The following SLC39A8 variants were observed in gnomAD, a reference collection of about 807,000 sequenced individuals.
SLC39A8 encodes solute carrier family 39 member 8.
In SLC39A8, 15 loss-of-function variants were observed where a neutral mutation model predicts 40.4. That is an observed-to-expected ratio of 0.37 (90% CI 0.25 to 0.57). SLC39A8 has a LOEUF of 0.57. Among genes scored for constraint, SLC39A8 ranks in the 20% least tolerant of loss-of-function variants. The pLI is 0.75. For synonymous variants in SLC39A8, 223 were observed against 221.6 expected, an observed-to-expected ratio of 1.01 and a Z score of -0.06; for missense variants, 472 against 558.8, an observed-to-expected ratio of 0.84 and a Z score of 1.57.
rs1731939583 is a variant in SLC39A8 at position 102,263,130 on chromosome 4, A to C, written c.1297T>G (p.Phe433Val). Residue 433 changes from phenylalanine (F) to valine (V), a missense_variant, in exon 9 of 9, where the codon TTC (phenylalanine) becomes GTC (valine). Physicochemically the swap from Phe to Val is conservative, Grantham distance 50. Coordinates refer to ENST00000356736, the MANE Select transcript of SLC39A8 (RefSeq NM_001135146.2). ...VTGRKTDFTF[F>V]MIQNAGMLTG... ...AACATTCCAGCATTCTGAATCATGA[A>C]GAAGGTGAAATCGGTTTTTCTTCCA... is the stretch of plus-strand genomic sequence containing the variant. 3 of 1,613,872 alleles carry C rather than the reference A, an allele frequency of 1.9e-6. No individual in the cohort carries two copies. Among genetic ancestry groups the C allele is most frequent in the Non-Finnish European group, 2.5e-6 (3 of 1,179,802 alleles).
At chr4:102,320,447 TATGAGAGTATATATAC>T in intron 2 of SLC39A8, among the ~76,000 whole-genome samples, 2 of 102,768 alleles carry the variant, frequency 1.9e-5, no homozygotes, top group Non-Finnish European at 3.9e-5. Context: ...AGAATATATA[TATGAGAGTATATATAC>T]ATATGAGAAT....
At chr4:102,302,794 C>T (rs898276777) in intron 6 of SLC39A8, among the ~76,000 whole-genome samples, 2 of 151,982 alleles carry the variant, frequency 1.3e-5, no homozygotes, top group Non-Finnish European at 2.9e-5. Context: ...ATTCATCTAA[C>T]GTTCTAGGCA....
intron 2 of SLC39A8, among the ~76,000 whole-genome samples, chr4:102,322,792 A>G (rs931403563): frequency 3.3e-5 from 5 of 152,200 alleles, no homozygotes; most frequent in African/African-American, 9.7e-5. Context: ...GTGTGGTTGT[A>G]TTCTCTCTGT....
In SLC39A8 at chr4:102,262,266, C is replaced by T. The variant is rs17032363; in HGVS notation, c.*778G>A. 5.3e-3 allele frequency: 5,242 copies of T among 985,636 alleles called. 37 individuals carry two copies. The highest frequency in any genetic ancestry group is 0.031 in the African/African-American group (1,754 of 57,276). 61.1% of individuals were successfully genotyped at this position (985,636 alleles called of 1,614,324 possible). A position where few individuals can be genotyped will look rare whatever the true frequency, so the allele number is the denominator to read the frequency against. On this transcript the variant is annotated 3_prime_UTR_variant, in exon 9 of 9. Transcript: ENST00000356736. ...AAGCAAACACATGGTGCACTGAAAC[C>T]GAGGTGTTACCAGCTTTACATACTG...
At position 102,296,036 on chromosome 4, in the gene SLC39A8, G is replaced by A. The variant is rs185820372; in HGVS notation, c.840+8281C>T. 3.5e-3 allele frequency among the ~76,000 whole-genome samples: 535 copies of A among 152,158 alleles called. 4 individuals are homozygous for A. Among genetic ancestry groups the A allele is most frequent in the African/African-American group, 0.012 (512 of 41,526 alleles). ...AATAGCAAATTATATTGGACTTTAA[G>A]ATTCTCTTCCATTAAGAGAGAGTAA... On this transcript the variant is annotated intron_variant, in intron 6 of 8. Coordinates refer to ENST00000356736, the MANE Select transcript of SLC39A8 (RefSeq NM_001135146.2).
intron 6 of SLC39A8, among the ~76,000 whole-genome samples, chr4:102,275,197 CA>C (rs1388406065): frequency 6.6e-6 from 1 of 151,946 alleles, no homozygotes; most frequent in Non-Finnish European, 1.5e-5. Flanking sequence ...GTGCTGTATT[CA>C]GGAGACCCAT....
intron 4 of SLC39A8, among the ~76,000 whole-genome samples, chr4:102,306,412 A>G (rs1005925391): frequency 1.3e-5 from 2 of 151,936 alleles, no homozygotes; most frequent in African/African-American, 2.4e-5. Context: ...AAATTTTAAT[A>G]TTTTTTATCT....
chr4:102,315,844 A>G lies in SLC39A8; in HGVS notation c.220-14T>C. ...AGCAGTTAAACACTGAAATAGAATA[A>G]ACAAAAAAAAAATGTGATAATAATG... On this transcript the variant is annotated splice_polypyrimidine_tract_variant and intron_variant, in intron 2 of 8. Transcript: ENST00000356736. The G allele has an allele frequency of 1.3e-6, 2 of 1,596,410 alleles. No individual in the cohort carries two copies. Among genetic ancestry groups the G allele is most frequent in the Non-Finnish European group, 1.7e-6 (2 of 1,172,796 alleles).
At chr4:102,323,431 T>C (rs1735048397) in intron 2 of SLC39A8, among the ~76,000 whole-genome samples, 1 of 152,202 alleles carries the variant, frequency 6.6e-6, no homozygotes, top group Non-Finnish European at 1.5e-5. Flanking sequence ...GAGGAGGAGA[T>C]ACATGTGCTA....
chr4:102,267,468 A>G (rs1367430960), intron 8 of SLC39A8, 22 bp downstream of exon 8: 5 of 1,562,868 alleles, frequency 3.2e-6, no homozygotes, highest in Non-Finnish European at 4.3e-6. Flanking sequence ...TTAAAAGAAA[A>G]TACAAATTTT....
At chr4:102,251,539 G>A (rs1731591813) in exon 12 of SLC39A8, 1 of 152,108 alleles carries the variant, frequency 6.6e-6, no homozygotes, top group African/African-American at 2.4e-5. Flanking sequence ...GAATTAAATT[G>A]ATGTAAGACA....
intron 2 of SLC39A8, among the ~76,000 whole-genome samples, chr4:102,335,176 T>A (rs185524386): frequency 6.6e-6 from 1 of 152,324 alleles, no homozygotes; most frequent in Non-Finnish European, 1.5e-5. Flanking sequence ...TAGAGCATTA[T>A]GATTTAACAT....
intron 6 of SLC39A8, among the ~76,000 whole-genome samples, chr4:102,278,802 T>C (rs1362134818): frequency 6.6e-6 from 1 of 152,166 alleles, no homozygotes; most frequent in Non-Finnish European, 1.5e-5. Context: ...CGGAATACTA[T>C]GCAGACATAA....
downstream of SLC39A8, among the ~76,000 whole-genome samples, chr4:102,260,126 A>G (rs1248621781): frequency 6.6e-6 from 1 of 152,190 alleles, no homozygotes; most frequent in African/African-American, 2.4e-5. Flanking sequence ...AGTTAAAGTG[A>G]CAAGGGATTG....
chr4:102,278,099 C>T (rs991250251), intron 6 of SLC39A8, among the ~76,000 whole-genome samples: 1 of 152,104 alleles, frequency 6.6e-6, no homozygotes, highest in African/African-American at 2.4e-5. Context: ...GACTAAAACA[C>T]AAAAAGCAAT....
chr4:102,251,444 G>C (rs996610725), exon 12 of SLC39A8: 6 of 152,124 alleles, frequency 3.9e-5, no homozygotes, highest in Admixed American at 3.3e-4. Flanking sequence ...GATTTCCCAG[G>C]CCTGGTGGTC....
chr4:102,271,865 C>T (rs1212891979), intron 6 of SLC39A8, among the ~76,000 whole-genome samples: 1 of 152,110 alleles, frequency 6.6e-6, no homozygotes, highest in Non-Finnish European at 1.5e-5. Context: ...TCACCTGCAC[C>T]CTCTAGTAGC....
chr4:102,280,317 T>C (rs372255965), intron 6 of SLC39A8, among the ~76,000 whole-genome samples: 3 of 152,348 alleles, frequency 2.0e-5, no homozygotes, highest in East Asian at 3.9e-4. Context: ...GTCTCTCCCC[T>C]ATTTATTATT....
rs2149028959 is a variant in SLC39A8, at chr4:102,298,193, C to T, written c.840+6124G>A. ...GAGTAATAAAAAAAAAACTTTAGAA[C>T]AGTTTTTCATGAATAAAAGTATACT... On this transcript the variant is annotated intron_variant, in intron 6 of 8. Transcript: ENST00000356736. Among the ~76,000 whole-genome samples the T allele has an allele frequency of 2.0e-5, 3 of 151,634 alleles. No homozygotes were observed. In the Middle Eastern group the frequency reaches 0.01, roughly 519 times the overall value.
Sources: gnomAD v4.1 joint callset for allele counts (sites outside exome capture counted in the v4.1 genomes callset) on GRCh38, gnomAD v4.1.1 for gene constraint, MANE v1.5 for transcripts, NCBI Gene and HGNC (gene_info 2026-07-23, HGNC 2026-07-21) for gene names.